NXPH1: variants seen among roughly 807,000 people sequenced by gnomAD.
NXPH1 encodes neurexophilin 1, also known as neurexophilin-1.
In NXPH1, 5 loss-of-function variants were observed where a neutral mutation model predicts 23.7. The ratio of observed to expected loss-of-function variants is 0.21; its 90% CI spans 0.11 to 0.44. The LOEUF (loss-of-function observed/expected upper bound fraction) is 0.44, where lower values mean the gene tolerates loss of function less well. Among genes scored for constraint, NXPH1 ranks in the 20% least tolerant of loss-of-function variants. NXPH1 has a pLI of 0.99. For missense variants in NXPH1, 324 were observed against 321.6 expected (o/e 1.01, Z -0.06); for synonymous variants, 144 against 122.2 (o/e 1.18, Z -1.18).
At chr7:8,444,280 G>A (rs191872025) in intron 2 of NXPH1, among the ~76,000 whole-genome samples, 16 of 152,330 alleles carry the variant, frequency 1.1e-4, no homozygotes, top group Admixed American at 2.0e-4. Flanking sequence ...CCCTCGAGAA[G>A]GGAACGAATC....
chr7:8,471,444 A>G (rs1015960487), intron 2 of NXPH1, among the ~76,000 whole-genome samples: 8 of 152,192 alleles, frequency 5.3e-5, no homozygotes, highest in Admixed American at 4.6e-4. Context: ...AAGGATGAGT[A>G]TTAAAAAATC....
chr7:8,568,800 T>C (rs1818594993), intron 2 of NXPH1, among the ~76,000 whole-genome samples: 1 of 151,748 alleles, frequency 6.6e-6, no homozygotes, highest in African/African-American at 2.4e-5. Context: ...CTTAAATGGG[T>C]AGTATTTTCT....
chr7:8,485,683 C>T (rs923554232), intron 2 of NXPH1, among the ~76,000 whole-genome samples: 1 of 152,004 alleles, frequency 6.6e-6, no homozygotes, highest in Admixed American at 6.6e-5. Flanking sequence ...TTCTCATTTG[C>T]CAAAGTTCTT....
chr7:8,615,409 T>C (rs1008067328), intron 2 of NXPH1, among the ~76,000 whole-genome samples: 5 of 152,006 alleles, frequency 3.3e-5, no homozygotes, highest in Admixed American at 3.3e-4. Context: ...GAGGATTCGA[T>C]GGGATAATTT....
intron 2 of NXPH1, among the ~76,000 whole-genome samples, chr7:8,436,928 A>G (rs963925906): frequency 3.3e-5 from 5 of 152,224 alleles, no homozygotes; most frequent in African/African-American, 1.2e-4. Context: ...GTGGCTGCAA[A>G]GCTGCGAGTT....
chr7:8,685,416 T>C (rs1310283205), intron 2 of NXPH1, among the ~76,000 whole-genome samples: 2 of 149,748 alleles, frequency 1.3e-5, no homozygotes, highest in Admixed American at 6.7e-5. Context: ...TCCATCCATG[T>C]TGTTGCAAAT....
chr7:8,468,592 A>G (rs1816821367), intron 2 of NXPH1, among the ~76,000 whole-genome samples: 1 of 152,082 alleles, frequency 6.6e-6, no homozygotes, highest in African/African-American at 2.4e-5. Flanking sequence ...AATGATCAGG[A>G]AACTATGGCC....
intron 2 of NXPH1, among the ~76,000 whole-genome samples, chr7:8,600,341 C>T (rs1423386859): frequency 6.6e-6 from 1 of 152,148 alleles, no homozygotes; most frequent in African/African-American, 2.4e-5. Flanking sequence ...CAATTTATTT[C>T]CTACTTATGC....
chr7:8,499,703 C>G (rs1183274013), intron 2 of NXPH1, among the ~76,000 whole-genome samples: 1 of 152,042 alleles, frequency 6.6e-6, no homozygotes. Context: ...AAGCTAGACT[C>G]CCAGTGGTGA....
chr7:8,749,492 A>T (rs1780529416), intron 2 of NXPH1, among the ~76,000 whole-genome samples: 1 of 152,186 alleles, frequency 6.6e-6, no homozygotes. Flanking sequence ...TTGTATCCTA[A>T]CAAGAGTCCC....
chr7:8,463,712 A>G (rs1046152490), intron 2 of NXPH1, among the ~76,000 whole-genome samples: 1 of 152,170 alleles, frequency 6.6e-6, no homozygotes, highest in Admixed American at 6.5e-5. Context: ...GCCTAAGGCC[A>G]TTTATATTGC....
chr7:8,475,220 T>A (rs1816949712), intron 2 of NXPH1, among the ~76,000 whole-genome samples: 1 of 152,128 alleles, frequency 6.6e-6, no homozygotes, highest in Non-Finnish European at 1.5e-5. Flanking sequence ...TGAAGCCTGA[T>A]TCCCAATCTG....
intron 2 of NXPH1, among the ~76,000 whole-genome samples, chr7:8,719,959 T>G (rs897044243): frequency 6.6e-6 from 1 of 152,184 alleles, no homozygotes; most frequent in African/African-American, 2.4e-5. Context: ...AAATTTAGAT[T>G]CAAGAGATTA....
In NXPH1 at chr7:8,518,562, C is replaced by T. The variant is rs958628449; in HGVS notation, c.54+82795C>T. The stretch of plus-strand genomic sequence containing the variant: ...GCTGGGTTGGAGTGATGCAATCTCA[C>T]TGTAACCTCGAACTCCTGGGTTCAA... On this transcript the variant is annotated intron_variant, in intron 2 of 2. Coordinates refer to ENST00000405863, the MANE Select transcript of NXPH1 (RefSeq NM_152745.3). Among the ~76,000 whole-genome samples, 7 of 152,088 alleles carry T rather than the reference C, an allele frequency of 4.6e-5. No individual in the cohort carries two copies. In the East Asian group the frequency reaches 1.4e-3, roughly 29 times the overall value.
chr7:8,614,628 C>G (rs1819696119), intron 2 of NXPH1, among the ~76,000 whole-genome samples: 1 of 151,738 alleles, frequency 6.6e-6, no homozygotes, highest in Non-Finnish European at 1.5e-5. Context: ...ATGTATATGT[C>G]TATAGTTTCC....
chr7:8,566,928 A>G (rs1584236991), intron 2 of NXPH1, among the ~76,000 whole-genome samples: 1 of 151,826 alleles, frequency 6.6e-6, no homozygotes, highest in East Asian at 2.0e-4. Context: ...AGAAATCATC[A>G]TTTACTCAAA....
chr7:8,499,235 AAC>A (rs1817390734), intron 2 of NXPH1, among the ~76,000 whole-genome samples: 1 of 152,046 alleles, frequency 6.6e-6, no homozygotes, highest in African/African-American at 2.4e-5. Context: ...TACAAAAAAG[AAC>A]AGTTTGTTTG....
chr7:8,486,673 C>A (rs981526371), intron 2 of NXPH1, among the ~76,000 whole-genome samples: 13 of 152,198 alleles, frequency 8.5e-5, no homozygotes, highest in Non-Finnish European at 1.6e-4. Context: ...CAAACTCATC[C>A]TGTGCTAGTC....
At chr7:8,523,430 T>A (rs1817808292) in intron 2 of NXPH1, among the ~76,000 whole-genome samples, 1 of 152,204 alleles carries the variant, frequency 6.6e-6, no homozygotes, top group African/African-American at 2.4e-5. Context: ...AAGGATTTGA[T>A]AAATATGACT....
Sources: gnomAD v4.1 joint callset for allele counts (sites outside exome capture counted in the v4.1 genomes callset) on GRCh38, gnomAD v4.1.1 for gene constraint, MANE v1.5 for transcripts, NCBI Gene and HGNC (gene_info 2026-07-23, HGNC 2026-07-21) for gene names.